The following CERT1 variants were observed in gnomAD, a reference collection of about 807,000 sequenced individuals.
The protein encoded by CERT1 is ceramide transfer protein.
Under a neutral mutation model 87.9 loss-of-function variants are expected in CERT1, and 31 were observed. The ratio of observed to expected loss-of-function variants is 0.35; its 90% CI spans 0.27 to 0.48. The LOEUF is 0.48. Ranked by LOEUF, CERT1 falls within the 20% of genes least tolerant of loss-of-function variation. The pLI is 0.99. For synonymous variants in CERT1, 289 were observed against 250.9 expected, an observed-to-expected ratio of 1.15 and a Z score of -1.44; for missense variants, 487 against 758.0, an observed-to-expected ratio of 0.64 and a Z score of 4.20.
intron 2 of CERT1, among the ~76,000 whole-genome samples, chr5:75,503,687 G>T (rs1477264650): frequency 6.6e-6 from 1 of 151,606 alleles, no homozygotes; most frequent in Non-Finnish European, 1.5e-5. Flanking sequence ...CTCCTTCAAA[G>T]AATTCAAATT....
At chr5:75,503,912 T>TTTCAA (rs1767527314) in intron 2 of CERT1, among the ~76,000 whole-genome samples, 1 of 151,708 alleles carries the variant, frequency 6.6e-6, no homozygotes. Flanking sequence ...AAATGTTTAA[T>TTTCAA]TTAAAATTTT....
intron 8 of CERT1, among the ~76,000 whole-genome samples, chr5:75,409,231 C>T (rs1245058922): frequency 6.6e-6 from 1 of 151,936 alleles, no homozygotes; most frequent in African/African-American, 2.4e-5. Context: ...CATATTAAAA[C>T]CTCAGAGGAT....
chr5:75,454,446 T>C (rs77064404), intron 3 of CERT1, among the ~76,000 whole-genome samples: 3,992 of 152,314 alleles, frequency 0.026, 148 homozygotes, highest in African/African-American at 0.086. Context: ...ACAAAAATGA[T>C]GTCAGACAAA....
intron 8 of CERT1, among the ~76,000 whole-genome samples, chr5:75,407,295 C>T (rs1580727646): frequency 6.6e-6 from 1 of 151,252 alleles, no homozygotes; most frequent in South Asian, 2.1e-4. Flanking sequence ...TAGAAGAGAC[C>T]ATTGGAAAAT....
At chr5:75,399,002 G>A (rs1254580274) in intron 11 of CERT1, among the ~76,000 whole-genome samples, 2 of 152,134 alleles carry the variant, frequency 1.3e-5, no homozygotes, top group African/African-American at 4.8e-5. Flanking sequence ...GCTAAATCCT[G>A]ACTGAAGAAA....
At chr5:75,475,143 C>T (rs984686496) in intron 2 of CERT1, among the ~76,000 whole-genome samples, 7 of 152,112 alleles carry the variant, frequency 4.6e-5, no homozygotes, top group African/African-American at 1.7e-4. Flanking sequence ...CAAGTCTAAC[C>T]TACGATGCTT....
chr5:75,485,381 T>C (rs1432419457), intron 2 of CERT1, among the ~76,000 whole-genome samples: 2 of 141,042 alleles, frequency 1.4e-5, no homozygotes, highest in Non-Finnish European at 3.1e-5. Context: ...ACAGTGAAAG[T>C]AGTACTAAGA....
At position 75,511,239 on chromosome 5, in the gene CERT1, C is replaced by G. The variant is rs753818083; in HGVS notation, c.-32G>C. On this transcript the variant is annotated 5_prime_UTR_variant, in exon 1 of 17. Transcript: ENST00000643780. ...TCGACAACCGAGCAGGAGACCGGCC[C>G]CCGCTCCCTCAGCTGCGCCGGAGGA... The G allele has an allele frequency of 4.3e-6, 7 of 1,609,398 alleles. No homozygotes were observed. Among genetic ancestry groups the G allele is most frequent in the South Asian group, 1.1e-5 (1 of 90,720 alleles).
chr5:75,498,329 C>T (rs775991126), intron 2 of CERT1, among the ~76,000 whole-genome samples: 4 of 152,198 alleles, frequency 2.6e-5, no homozygotes, highest in Non-Finnish European at 5.9e-5. Flanking sequence ...AATGTTATCA[C>T]CAAGACAATG....
At chr5:75,386,604 G>C (rs1405780592) in intron 12 of CERT1, among the ~76,000 whole-genome samples, 2 of 152,162 alleles carry the variant, frequency 1.3e-5, no homozygotes, top group Non-Finnish European at 2.9e-5. Flanking sequence ...TGCTACTTTA[G>C]ATAATTATGT....
At position 75,426,482 on chromosome 5, in the gene CERT1, A is replaced by T. The variant is rs780568900; in HGVS notation, c.349-4T>A. The T allele has an allele frequency of 2.8e-5, 45 of 1,586,682 alleles. No homozygotes were observed. Among genetic ancestry groups the T allele is most frequent in the Non-Finnish European group, 3.5e-5 (41 of 1,160,070 alleles). On this transcript the variant is annotated splice_polypyrimidine_tract_variant and splice_region_variant and intron_variant, in intron 3 of 16. Transcript: ENST00000643780. ...CAGATCCATATCCAGATTCAGTCTA[A>T]AAAAAAAAGTAAACTATGTGAAAAG...
chr5:75,489,060 A>T (rs1484191409), intron 2 of CERT1, among the ~76,000 whole-genome samples: 2 of 152,056 alleles, frequency 1.3e-5, no homozygotes, highest in Admixed American at 1.3e-4. Context: ...TATATAGACC[A>T]GAACAGAATA....
At chr5:75,375,022 T>G, downstream of CERT1, 1 of 220,970 alleles carries the variant, frequency 4.5e-6, no homozygotes, top group East Asian at 1.4e-4. Flanking sequence ...AGTCACATCC[T>G]TGGCCTCACA....
chr5:75,419,622 ATCTC>A (rs145618880), intron 5 of CERT1, among the ~76,000 whole-genome samples, 198 bp from the exon 6 acceptor site: 1 of 152,018 alleles, frequency 6.6e-6, no homozygotes, highest in South Asian at 2.1e-4. Context: ...CAAAATCTTA[ATCTC>A]TCTCTCTCCC....
At chr5:75,443,417 C>T (rs1401567159) in intron 3 of CERT1, among the ~76,000 whole-genome samples, 2 of 152,150 alleles carry the variant, frequency 1.3e-5, no homozygotes, top group African/African-American at 4.8e-5. Flanking sequence ...TAAGCATTTT[C>T]TAATTTCCCT....
chr5:75,479,931 C>T (rs1301974793), intron 2 of CERT1, among the ~76,000 whole-genome samples: 1 of 152,198 alleles, frequency 6.6e-6, no homozygotes, highest in African/African-American at 2.4e-5. Flanking sequence ...GTTACCTTTT[C>T]TCTGCAACCT....
chr5:75,374,693 G>T, downstream of CERT1: 3 of 610,436 alleles, frequency 4.9e-6, no homozygotes, highest in Non-Finnish European at 9.3e-6. Context: ...TGTGTGAGTT[G>T]TGCAACTCAC....
chr5:75,493,708 A>T (rs1422226010), intron 2 of CERT1, among the ~76,000 whole-genome samples: 1 of 151,990 alleles, frequency 6.6e-6, no homozygotes, highest in African/African-American at 2.4e-5. Flanking sequence ...CTTGTCCTTT[A>T]TTTCTGTGAA....
At chr5:75,455,788 A>G (rs1193179361) in intron 3 of CERT1, among the ~76,000 whole-genome samples, 1 of 152,242 alleles carries the variant, frequency 6.6e-6, no homozygotes, top group African/African-American at 2.4e-5. Flanking sequence ...CAGACAGACA[A>G]GAGAATTAAC....
Sources: gnomAD v4.1 joint callset for allele counts (sites outside exome capture counted in the v4.1 genomes callset) on GRCh38, gnomAD v4.1.1 for gene constraint, MANE v1.5 for transcripts, NCBI Gene and HGNC (gene_info 2026-07-23, HGNC 2026-07-21) for gene names.